The following ADAM18 variants were observed in gnomAD, a reference collection of about 807,000 sequenced individuals.
The protein encoded by ADAM18 is ADAM metallopeptidase domain 18, also known as disintegrin and metalloproteinase domain-containing protein 18.
A neutral mutation model predicts 94.4 loss-of-function variants in ADAM18; 117 were observed. The observed-to-expected ratio is 1.24, with a 90% CI of 1.07 to 1.45. The LOEUF (loss-of-function observed/expected upper bound fraction) is 1.45, where lower values mean the gene tolerates loss of function less well. Among genes scored for constraint, ADAM18 ranks in the 40% most tolerant of loss-of-function variants. The pLI is 0.00. For synonymous variants in ADAM18, 327 were observed against 291.6 expected, an observed-to-expected ratio of 1.12 and a Z score of -1.24; for missense variants, 936 against 880.0, an observed-to-expected ratio of 1.06 and a Z score of -0.81.
At chr8:39,603,429 C>T (rs1049334732) in intron 2 of ADAM18, among the ~76,000 whole-genome samples, 10 of 152,174 alleles carry the variant, frequency 6.6e-5, no homozygotes, top group African/African-American at 2.4e-4. Flanking sequence ...TTACCTGTGC[C>T]ACTTGTACAA....
At chr8:39,598,322 C>T (rs965895565) in intron 2 of ADAM18, among the ~76,000 whole-genome samples, 2 of 151,850 alleles carry the variant, frequency 1.3e-5, no homozygotes, top group Non-Finnish European at 2.9e-5. Context: ...GTGCCTTGAT[C>T]CTGATCTTAG....
At chr8:39,592,664 G>C (rs1004202107) in intron 2 of ADAM18, among the ~76,000 whole-genome samples, 2 of 152,132 alleles carry the variant, frequency 1.3e-5, no homozygotes, top group Non-Finnish European at 2.9e-5. Flanking sequence ...ATAAAATGAT[G>C]AAGAAAATAG....
At chr8:39,643,493 G>A (rs148481772) in intron 10 of ADAM18, among the ~76,000 whole-genome samples, 2 of 152,044 alleles carry the variant, frequency 1.3e-5, no homozygotes, top group Non-Finnish European at 2.9e-5. Context: ...TGATATATTA[G>A]GGGGTCTGTA....
At chr8:39,588,234 T>TG (rs1563264300) in intron 2 of ADAM18, among the ~76,000 whole-genome samples, 3 of 150,940 alleles carry the variant, frequency 2.0e-5, no homozygotes, top group Non-Finnish European at 4.4e-5. Flanking sequence ...GTGGGTTTTT[T>TG]TTTTTTTTTT....
intron 19 of ADAM18, among the ~76,000 whole-genome samples, chr8:39,728,268 AT>A (rs920559100): frequency 1.2e-3 from 179 of 151,656 alleles, no homozygotes; most frequent in East Asian, 5.4e-3. Context: ...ATATATTCAC[AT>A]TTTTTTTTAA....
chr8:39,646,004 C>A (rs2129579530), intron 11 of ADAM18, among the ~76,000 whole-genome samples: 1 of 152,202 alleles, frequency 6.6e-6, no homozygotes, highest in African/African-American at 2.4e-5. Flanking sequence ...GATTAAATAA[C>A]ATTATTCTGT....
intron 2 of ADAM18, among the ~76,000 whole-genome samples, chr8:39,595,775 C>T (rs1411259915): frequency 2.0e-5 from 3 of 152,174 alleles, no homozygotes; most frequent in Non-Finnish European, 2.9e-5. Flanking sequence ...CCACCCACCT[C>T]GGCCTCCCAA....
intron 7 of ADAM18, among the ~76,000 whole-genome samples, chr8:39,633,037 G>A (rs531166764): frequency 4.6e-5 from 7 of 152,112 alleles, no homozygotes; most frequent in Non-Finnish European, 8.8e-5. Flanking sequence ...GAGACTTCAT[G>A]CAGCATTCTG....
chr8:39,704,996 G>A (rs1208370579), intron 17 of ADAM18, among the ~76,000 whole-genome samples: 1 of 152,094 alleles, frequency 6.6e-6, no homozygotes, highest in Non-Finnish European at 1.5e-5. Context: ...AATGCATTCA[G>A]AGATATTGAT....
At chr8:39,591,581 C>T (rs118123406) in intron 2 of ADAM18, among the ~76,000 whole-genome samples, 2,075 of 152,058 alleles carry the variant, frequency 0.014, 22 homozygotes, top group Middle Eastern at 0.041. Flanking sequence ...GCCTCCACTC[C>T]TAATTCTAGT....
At chr8:39,604,048 T>G (rs1261317941) in intron 2 of ADAM18, among the ~76,000 whole-genome samples, 9 of 152,224 alleles carry the variant, frequency 5.9e-5, no homozygotes, top group Non-Finnish European at 1.5e-5. Context: ...TTCATTTTTA[T>G]GATTTTCTGT....
At chr8:39,588,238 T>TG (rs1818465367) in intron 2 of ADAM18, among the ~76,000 whole-genome samples, 1 of 151,976 alleles carries the variant, frequency 6.6e-6, no homozygotes, top group African/African-American at 2.4e-5. Context: ...GTTTTTTTTT[T>TG]TTTTTTTAAC....
Position 39,706,796 on chromosome 8 carries a change from A to G in ADAM18, c.1909A>G (p.Asn637Asp). The G allele has an allele frequency of 6.3e-7, 1 of 1,589,312 alleles. No homozygotes were observed. Among genetic ancestry groups the G allele is most frequent in the Non-Finnish European group, 8.6e-7 (1 of 1,159,374 alleles). The change falls in exon 18 of 20, where the codon AAT becomes GAT. Residue 637 changes from asparagine (N) to aspartate (D), a missense_variant. By Grantham distance (23) the Asn-to-Asp change is conservative (BLOSUM62 1). Coordinates refer to ENST00000265707, the MANE Select transcript of ADAM18 (RefSeq NM_014237.3). ...TTKCKGKGIC[N>D]NFGNCQCFPG... ...CTGTATTTTTCTGTTTCAGATATGT[A>G]ATAATTTTGGTAATTGTCAATGCTT...
At chr8:39,639,131 T>C (rs1325583441) in intron 10 of ADAM18, among the ~76,000 whole-genome samples, 1 of 151,932 alleles carries the variant, frequency 6.6e-6, no homozygotes, top group African/African-American at 2.4e-5. Flanking sequence ...ATATAGTATA[T>C]AGATAAAATT....
intron 18 of ADAM18, among the ~76,000 whole-genome samples, chr8:39,708,958 T>A (rs1822317568): frequency 6.6e-6 from 1 of 152,204 alleles, no homozygotes; most frequent in Non-Finnish European, 1.5e-5. Flanking sequence ...GTTACAGTGC[T>A]CCTTTAGCTC....
At chr8:39,725,365 C>A (rs1332234316) in intron 19 of ADAM18, among the ~76,000 whole-genome samples, 1 of 152,024 alleles carries the variant, frequency 6.6e-6, no homozygotes, top group Non-Finnish European at 1.5e-5. Context: ...TGATATAGAT[C>A]TACCCTCTTA....
chr8:39,692,689 C>G lies in ADAM18; in HGVS notation c.1902+9C>G. ...AATGCAAAGGGAAAGGGGTAAGTCA[C>G]TTTTGTATCTGAATTGCATGTTATT... On this transcript the variant is annotated intron_variant, in intron 17 of 19. Transcript: ENST00000265707. 6.3e-7 allele frequency: 1 copy of G among 1,580,504 alleles called. No homozygotes were observed. Among genetic ancestry groups the G allele is most frequent in the South Asian group, 1.1e-5 (1 of 87,986 alleles).
At chr8:39,612,957 C>T (rs1819320871) in intron 6 of ADAM18, among the ~76,000 whole-genome samples, 1 of 152,184 alleles carries the variant, frequency 6.6e-6, no homozygotes, top group Non-Finnish European at 1.5e-5. Context: ...ATGGACCTTG[C>T]TGTTGCAGCC....
chr8:39,598,937 G>A (rs1818822426), intron 2 of ADAM18, among the ~76,000 whole-genome samples: 2 of 151,840 alleles, frequency 1.3e-5, no homozygotes, highest in African/African-American at 4.8e-5. Context: ...CCAGCCTCCT[G>A]AGTAGCTGGG....
Sources: gnomAD v4.1 joint callset for allele counts (sites outside exome capture counted in the v4.1 genomes callset) on GRCh38, gnomAD v4.1.1 for gene constraint, MANE v1.5 for transcripts, NCBI Gene and HGNC (gene_info 2026-07-23, HGNC 2026-07-21) for gene names.